JAZF1: variants seen among roughly 807,000 people sequenced by gnomAD.
JAZF1 encodes the protein juxtaposed with another zinc finger protein 1.
Under a neutral mutation model 26.4 loss-of-function variants are expected in JAZF1, and 8 were observed. The ratio of observed to expected loss-of-function variants is 0.30; its 90% CI spans 0.18 to 0.55. JAZF1 has a LOEUF of 0.55. Among genes scored for constraint, JAZF1 ranks in the 20% least tolerant of loss-of-function variants. The probability of loss-of-function intolerance (pLI) is 0.94; values close to 1 mark genes in which losing one functional copy is unlikely to be tolerated. For missense variants in JAZF1, 199 were observed against 322.0 expected (o/e 0.62, Z 2.92); for synonymous variants, 126 against 122.3 (o/e 1.03, Z -0.20).
chr7:28,105,467 G>T (rs147926426), intron 1 of JAZF1, among the ~76,000 whole-genome samples: 1 of 152,180 alleles, frequency 6.6e-6, no homozygotes, highest in Non-Finnish European at 1.5e-5. Context: ...TGGGACACTT[G>T]AGCCCAGCAG....
Position 27,840,769 on chromosome 7 carries a change from A to T in JAZF1, c.484T>A (p.Ser162Thr), listed in dbSNP as rs1470644278. Residue 162 changes from serine to threonine, a missense_variant, in exon 4 of 5, where the codon TCC (serine) becomes ACC (threonine). By Grantham distance (58) the Ser-to-Thr change is moderately conservative. Transcript: ENST00000283928. This position sits in a 1 kb window ranked among gnomAD's most constrained non-coding sequence, Gnocchi z 5.1. Reference sequence around the variant, plus strand: ...TCTTCCCCTCCATTCATGCACATGGAGCTGAGGATGGCTTCGGAGCTGATG... The same window carrying T: ...TCTTCCCCTCCATTCATGCACATGGTGCTGAGGATGGCTTCGGAGCTGATG... Reference protein sequence around the residue: ...SAISSEAILSSMCMNGGEEKP... With the variant: ...SAISSEAILSTMCMNGGEEKP... 6.2e-7 allele frequency: 1 copy of T among 1,614,042 alleles called. No homozygotes were observed. The highest frequency in any genetic ancestry group is 1.1e-5 in the South Asian group (1 of 91,072).
intron 1 of JAZF1, among the ~76,000 whole-genome samples, chr7:28,093,475 G>A (rs1396779031): frequency 3.3e-5 from 5 of 152,148 alleles, no homozygotes; most frequent in Admixed American, 6.5e-5. Flanking sequence ...TATCAGCAGC[G>A]TTATCAGCAG....
At chr7:28,117,471 A>T (rs1784764884) in intron 1 of JAZF1, among the ~76,000 whole-genome samples, 1 of 152,166 alleles carries the variant, frequency 6.6e-6, no homozygotes, top group South Asian at 2.1e-4. Context: ...TCTTTGTCAT[A>T]ACTCTGTTGA....
intron 1 of JAZF1, among the ~76,000 whole-genome samples, chr7:28,073,292 C>T (rs931692286): frequency 2.0e-5 from 3 of 152,152 alleles, no homozygotes; most frequent in Non-Finnish European, 4.4e-5. Flanking sequence ...GAAGCCCACA[C>T]ACCCATCCAT....
At chr7:28,162,177 T>C (rs1783302933) in intron 1 of JAZF1, among the ~76,000 whole-genome samples, 1 of 152,230 alleles carries the variant, frequency 6.6e-6, no homozygotes, top group Non-Finnish European at 1.5e-5. Context: ...AATCAGGCCT[T>C]CCTTTCCTCT....
intron 1 of JAZF1, among the ~76,000 whole-genome samples, chr7:28,158,186 CAGAG>C (rs1554292394): frequency 1.1e-4 from 16 of 143,426 alleles, no homozygotes; most frequent in Admixed American, 6.3e-4. Flanking sequence ...CACACACACA[CAGAG>C]AGAGAGAGAG....
At chr7:27,976,072 C>T (rs538058527) in intron 2 of JAZF1, among the ~76,000 whole-genome samples, 6 of 152,272 alleles carry the variant, frequency 3.9e-5, no homozygotes, top group Non-Finnish European at 5.9e-5. Flanking sequence ...GGGCTAGTCG[C>T]GATGGCTCAC....
chr7:28,116,521 T>C (rs1249269780), intron 1 of JAZF1, among the ~76,000 whole-genome samples: 1 of 152,196 alleles, frequency 6.6e-6, no homozygotes, highest in African/African-American at 2.4e-5. Flanking sequence ...CTTGGCTCAC[T>C]GCAACCTCCA....
chr7:28,086,357 C>T (rs1784212069), intron 1 of JAZF1, among the ~76,000 whole-genome samples: 1 of 152,170 alleles, frequency 6.6e-6, no homozygotes, highest in Non-Finnish European at 1.5e-5. Context: ...GAGGTGCATT[C>T]CAATCTGCCC....
chr7:28,048,391 T>C (rs1261965573), intron 1 of JAZF1, among the ~76,000 whole-genome samples: 18 of 152,200 alleles, frequency 1.2e-4, no homozygotes, highest in Admixed American at 1.2e-3. Flanking sequence ...ACTTAATTAG[T>C]TGACTTTTTG....
chr7:27,832,792 C>G lies in JAZF1; in HGVS notation c.*8G>C. On this transcript the variant is annotated 3_prime_UTR_variant, in exon 5 of 5. Coordinates refer to ENST00000283928, the MANE Select transcript of JAZF1 (RefSeq NM_175061.4). Reference sequence around the variant, plus strand: ...TGAGGATTTCTTGGCACAGTTATGACCAGCATGTTATTGCTGCATCTTCCT... The same window carrying G: ...TGAGGATTTCTTGGCACAGTTATGAGCAGCATGTTATTGCTGCATCTTCCT... 6.4e-7 allele frequency: 1 copy of G among 1,555,188 alleles called. No individual in the cohort carries two copies. The highest frequency in any genetic ancestry group is 8.7e-7 in the Non-Finnish European group (1 of 1,146,804).
rs556206365 is a variant in JAZF1 at position 28,110,859 on chromosome 7, G to C, written c.115+69604C>G. 2.0e-5 allele frequency among the ~76,000 whole-genome samples: 3 copies of C among 152,208 alleles called. No individual in the cohort carries two copies. In the East Asian group the frequency reaches 5.8e-4, roughly 30 times the overall value. ...ACCTAAAATCACACTCGCAACCTGG[G>C]AGCCTTGCCTGGGAGGGACTTCTAA... On this transcript the variant is annotated intron_variant, in intron 1 of 4. Coordinates refer to ENST00000283928, the MANE Select transcript of JAZF1 (RefSeq NM_175061.4).
At chr7:27,899,978 G>A (rs1267073640) in intron 2 of JAZF1, among the ~76,000 whole-genome samples, 1 of 152,170 alleles carries the variant, frequency 6.6e-6, no homozygotes. Context: ...GTTTACATGG[G>A]GGCAGTGGGC....
chr7:27,836,950 TACAC>T (rs536606233), intron 4 of JAZF1, among the ~76,000 whole-genome samples: 7 of 151,898 alleles, frequency 4.6e-5, no homozygotes, highest in Admixed American at 1.3e-4. Flanking sequence ...TATTTTTTCA[TACAC>T]ACACACACAC....
chr7:28,096,835 T>C (rs1583558340), intron 1 of JAZF1, among the ~76,000 whole-genome samples: 1 of 152,224 alleles, frequency 6.6e-6, no homozygotes, highest in Admixed American at 6.5e-5. Context: ...TCTGCTGGTA[T>C]ACTGACCACA....
At chr7:28,090,955 T>C (rs899117131) in intron 1 of JAZF1, among the ~76,000 whole-genome samples, 2 of 150,450 alleles carry the variant, frequency 1.3e-5, no homozygotes, top group African/African-American at 4.9e-5. Flanking sequence ...GCCTCCCGAG[T>C]AGCTGGGACT....
chr7:27,975,643 T>C lies in JAZF1; in HGVS notation c.188+16266A>G, dbSNP rs79892620. On this transcript the variant is annotated intron_variant, in intron 2 of 4. Transcript: ENST00000283928. ...AAAGGCTTTCTACATAAAAAAGAAA[T>C]AGGAAATCCAAGTCTATGTCTAGGG... Among the ~76,000 whole-genome samples the C allele has an allele frequency of 7.5e-3, 1,139 of 152,230 alleles. 4 individuals are homozygous for C. The highest frequency in any genetic ancestry group is 0.02 in the Middle Eastern group (6 of 294).
chr7:28,050,905 G>A (rs969633019), intron 1 of JAZF1, among the ~76,000 whole-genome samples: 5 of 151,946 alleles, frequency 3.3e-5, no homozygotes, highest in African/African-American at 7.3e-5. Context: ...AGGCCGAGGC[G>A]GGCGGATCAC....
intron 1 of JAZF1, among the ~76,000 whole-genome samples, chr7:28,008,096 T>C (rs2128369463): frequency 6.6e-6 from 1 of 152,358 alleles, no homozygotes; most frequent in Non-Finnish European, 1.5e-5. Flanking sequence ...AGGTTCTAAC[T>C]ATTTCTAGCT....
Sources: allele counts gnomAD v4.1 joint callset (sites outside exome capture counted in the v4.1 genomes callset), GRCh38; gene constraint gnomAD v4.1.1; non-coding constraint Gnocchi (gnomAD v3.1); transcripts MANE v1.5; gene names NCBI Gene and HGNC (gene_info 2026-07-23, HGNC 2026-07-21).